Variants in MYO9A observed in about 807,000 individuals in gnomAD.
MYO9A encodes unconventional myosin-IXa.
Under a neutral mutation model 293.3 loss-of-function variants are expected in MYO9A, and 103 were observed. The ratio of observed to expected loss-of-function variants is 0.35; its 90% CI spans 0.30 to 0.41. The LOEUF is 0.41. Among genes scored for constraint, MYO9A ranks in the 10% least tolerant of loss-of-function variants. The pLI is 1.00. For missense variants in MYO9A, 2,685 were observed against 3,033.0 expected (o/e 0.89, Z 2.69); for synonymous variants, 1,001 against 1,035.7 (o/e 0.97, Z 0.64).
chr15:71,922,936 G>A (rs1053616545), intron 18 of MYO9A, among the ~76,000 whole-genome samples: 2 of 152,034 alleles, frequency 1.3e-5, no homozygotes, highest in Non-Finnish European at 2.9e-5. Flanking sequence ...TAGAGAAAGT[G>A]GTGAAAGCGG....
intron 2 of MYO9A, among the ~76,000 whole-genome samples, chr15:72,038,645 G>T (rs753962121): frequency 2.6e-5 from 4 of 152,018 alleles, no homozygotes; most frequent in Non-Finnish European, 1.5e-5. Flanking sequence ...AAACCAGTAG[G>T]GTAAATGGAA....
chr15:72,081,517 A>C (rs1335478290), intron 1 of MYO9A, among the ~76,000 whole-genome samples: 2 of 151,804 alleles, frequency 1.3e-5, no homozygotes, highest in Non-Finnish European at 2.9e-5. Context: ...CTCTGTTAAT[A>C]GTTTCTTTTG....
At chr15:72,118,195 C>G, upstream of MYO9A, 1 of 360,294 alleles carries the variant, frequency 2.8e-6, no homozygotes, top group Non-Finnish European at 5.0e-6. Context: ...TCGGCCCCGC[C>G]CTGTCCCGCC....
intron 30 of MYO9A, among the ~76,000 whole-genome samples, chr15:71,878,468 A>C (rs565377465): frequency 6.6e-6 from 1 of 152,272 alleles, no homozygotes; most frequent in African/African-American, 2.4e-5. Flanking sequence ...TAATTTGAGG[A>C]AGTCTTGAGA....
intron 15 of MYO9A, chr15:71,950,267 A>G (rs2059020881): frequency 6.6e-6 from 1 of 152,248 alleles, no homozygotes; most frequent in African/African-American, 2.4e-5. Context: ...CGTCCACAAA[A>G]GTAGAAATTT....
chr15:72,003,284 GT>G (rs887288578), intron 8 of MYO9A, among the ~76,000 whole-genome samples: 2 of 141,876 alleles, frequency 1.4e-5, no homozygotes, highest in Non-Finnish European at 3.1e-5. Flanking sequence ...AAAAAAAAAA[GT>G]AAAAAAAAAA....
intron 18 of MYO9A, among the ~76,000 whole-genome samples, chr15:71,925,367 ATATATACG>A (rs2058283581): frequency 2.6e-5 from 4 of 151,080 alleles, no homozygotes; most frequent in African/African-American, 7.3e-5. Context: ...GTATATATAC[ATATATACG>A]TATATACGTG....
At chr15:72,010,292 T>G in intron 7 of MYO9A, 58 bp downstream of exon 7, 1 of 1,430,292 alleles carries the variant, frequency 7.0e-7, no homozygotes, top group African/African-American at 1.4e-5. Flanking sequence ...CAGAAATCTT[T>G]CAAAGACATA....
chr15:72,057,840 C>T (rs1361813127), intron 1 of MYO9A, among the ~76,000 whole-genome samples: 1 of 152,180 alleles, frequency 6.6e-6, no homozygotes, highest in Admixed American at 6.5e-5. Flanking sequence ...ATAAGCTAGA[C>T]CACTGAAATT....
chr15:71,945,315 C>G (rs943751667), intron 15 of MYO9A, among the ~76,000 whole-genome samples: 4 of 152,128 alleles, frequency 2.6e-5, no homozygotes, highest in Non-Finnish European at 5.9e-5. Flanking sequence ...CAAATAGCAT[C>G]TTGTCTCTCC....
intron 1 of MYO9A, among the ~76,000 whole-genome samples, chr15:72,108,189 T>A (rs1283533116): frequency 1.3e-5 from 2 of 152,012 alleles, no homozygotes; most frequent in Non-Finnish European, 1.5e-5. Context: ...GGAGAAAAAA[T>A]TTACTTTTAA....
chr15:71,979,010 G>C lies in MYO9A; in HGVS notation c.1723-718C>G, dbSNP rs908866167. 2.6e-5 allele frequency among the ~76,000 whole-genome samples: 4 copies of C among 152,154 alleles called. No homozygotes were observed. The East Asian group carries it at 7.7e-4, about 29-fold the overall frequency. On this transcript the variant is annotated intron_variant, in intron 11 of 41. Transcript: ENST00000356056. The stretch of plus-strand genomic sequence containing the variant: ...GGAGATATGTTTCTGCACTGCAGTG[G>C]TATTTAGGCATCAGGTAAAATATCC...
intron 2 of MYO9A, among the ~76,000 whole-genome samples, chr15:72,034,091 G>A (rs1187407137): frequency 3.3e-5 from 5 of 152,168 alleles, no homozygotes; most frequent in Non-Finnish European, 5.9e-5. Flanking sequence ...AGGCGAGGAC[G>A]TCAACCAAGC....
intron 32 of MYO9A, among the ~76,000 whole-genome samples, chr15:71,869,657 A>G (rs1370264240): frequency 6.6e-6 from 1 of 152,198 alleles, no homozygotes; most frequent in Non-Finnish European, 1.5e-5. Flanking sequence ...TATGTCAAAC[A>G]AAAAGAAGGG....
intron 2 of MYO9A, chr15:72,041,212 C>T: frequency 1.4e-6 from 2 of 1,380,076 alleles, no homozygotes; most frequent in East Asian, 2.6e-5. Context: ...TTTATGGCTA[C>T]AGCATATTCT....
At chr15:71,876,101 CA>C (rs2056674183) in intron 31 of MYO9A, among the ~76,000 whole-genome samples, 1 of 151,906 alleles carries the variant, frequency 6.6e-6, no homozygotes, top group African/African-American at 2.4e-5. Context: ...GCCCAGAAGC[CA>C]CCGCCATATT....
chr15:71,829,525 T>A (rs1315206970), intron 40 of MYO9A, among the ~76,000 whole-genome samples: 1 of 150,800 alleles, frequency 6.6e-6, no homozygotes, highest in Non-Finnish European at 1.5e-5. Flanking sequence ...CTCATTTGTC[T>A]CTCTCCTAAA....
intron 14 of MYO9A, chr15:71,953,678 C>G (rs147955640): frequency 6.6e-6 from 1 of 151,878 alleles, no homozygotes; most frequent in Non-Finnish European, 1.5e-5. Context: ...AACCTCTCTC[C>G]TGTTCTTTCA....
intron 14 of MYO9A, among the ~76,000 whole-genome samples, chr15:71,956,376 C>T (rs1362279245): frequency 2.2e-5 from 3 of 138,358 alleles, no homozygotes; most frequent in African/African-American, 8.2e-5. Context: ...TGGTGGCTCA[C>T]GCCTGTAATC....
Sources: allele counts gnomAD v4.1 joint callset (sites outside exome capture counted in the v4.1 genomes callset), GRCh38; gene constraint gnomAD v4.1.1; transcripts MANE v1.5; gene names NCBI Gene and HGNC (gene_info 2026-07-23, HGNC 2026-07-21).